The following CALN1 variants were observed in gnomAD, a reference collection of about 807,000 sequenced individuals.
CALN1 encodes calneuron 1.
Under a neutral mutation model 30.6 loss-of-function variants are expected in CALN1, and 17 were observed. The observed-to-expected ratio is 0.56, with a 90% confidence interval of 0.38 to 0.83. The LOEUF (loss-of-function observed/expected upper bound fraction) is 0.83. Among genes scored for constraint, CALN1 ranks in the 40% least tolerant of loss-of-function variants. The pLI is 0.00. For synonymous variants in CALN1, 156 were observed against 131.4 expected, an observed-to-expected ratio of 1.19 and a Z score of -1.28; for missense variants, 291 against 354.9, an observed-to-expected ratio of 0.82 and a Z score of 1.45.
At chr7:72,319,472 C>T (rs1187554520) in intron 2 of CALN1, among the ~76,000 whole-genome samples, 1 of 152,172 alleles carries the variant, frequency 6.6e-6, no homozygotes, top group Non-Finnish European at 1.5e-5. Context: ...GATTCAACTA[C>T]CTCCCACTGG....
intron 3 of CALN1, among the ~76,000 whole-genome samples, chr7:72,192,920 G>C (rs1790725183): frequency 6.6e-6 from 1 of 151,136 alleles, no homozygotes; most frequent in Admixed American, 6.6e-5. Flanking sequence ...AGGAACAGTG[G>C]CTCACGCCTG....
In CALN1 at chr7:72,054,581, T is replaced by C. The variant is rs528428850; in HGVS notation, c.389-30812A>G. Among the ~76,000 whole-genome samples, 14 of 148,140 alleles carry C rather than the reference T, an allele frequency of 9.5e-5. No homozygotes were observed. In the South Asian group the frequency reaches 2.9e-3, roughly 31 times the overall value. On this transcript the variant is annotated intron_variant, in intron 4 of 6. Coordinates refer to ENST00000395275, the MANE Select transcript of CALN1 (RefSeq NM_031468.4). ...TATATAATGGAATACTATGCAGCCA[T>C]GAAAAAGAATGAGATCATGTCTTTT...
chr7:72,356,915 A>G lies in CALN1; in HGVS notation c.119+46336T>C, dbSNP rs553270605. Among the ~76,000 whole-genome samples the G allele has an allele frequency of 1.1e-4, 16 of 152,102 alleles. 1 individual carries two copies. The highest frequency in any genetic ancestry group is 3.6e-4 in the African/African-American group (15 of 41,370). On this transcript the variant is annotated intron_variant, in intron 2 of 6. Transcript: ENST00000395275. ...GCAATATATTAGTGCTTGTCAACGT[A>G]TGTCTTGCTCTAAAACCAACACTTC...
chr7:72,226,094 A>C (rs1320401624), intron 3 of CALN1, among the ~76,000 whole-genome samples: 2 of 15,182 alleles, frequency 1.3e-4, no homozygotes, highest in African/African-American at 7.6e-4. Context: ...GACTCCACCC[A>C]AAAAAAAAAA....
At chr7:72,289,239 T>C (rs984737258) in intron 2 of CALN1, among the ~76,000 whole-genome samples, 4 of 152,220 alleles carry the variant, frequency 2.6e-5, no homozygotes, top group African/African-American at 7.2e-5. Flanking sequence ...CTTTATTCTC[T>C]TTTTGGTAAG....
chr7:72,365,139 T>C (rs924739404), intron 2 of CALN1, among the ~76,000 whole-genome samples: 3 of 152,142 alleles, frequency 2.0e-5, no homozygotes, highest in African/African-American at 7.2e-5. Flanking sequence ...ACCCAGTCTC[T>C]ACTAAAAATA....
At chr7:72,089,382 A>T (rs1416647028) in intron 4 of CALN1, among the ~76,000 whole-genome samples, 1 of 152,178 alleles carries the variant, frequency 6.6e-6, no homozygotes. Context: ...TAATAACTTC[A>T]TACTAGGTAC....
chr7:72,142,390 G>C (rs1810011252), intron 3 of CALN1, among the ~76,000 whole-genome samples: 1 of 152,190 alleles, frequency 6.6e-6, no homozygotes, highest in African/African-American at 2.4e-5. Flanking sequence ...ACAGCAGTCT[G>C]AGATCGAACT....
At chr7:72,312,763 C>T (rs958317262) in intron 2 of CALN1, among the ~76,000 whole-genome samples, 5 of 151,658 alleles carry the variant, frequency 3.3e-5, no homozygotes, top group African/African-American at 1.2e-4. Flanking sequence ...AAAGATCATG[C>T]TTATTTTCCT....
At chr7:72,309,506 G>A (rs1799889677) in intron 2 of CALN1, among the ~76,000 whole-genome samples, 6 of 152,092 alleles carry the variant, frequency 3.9e-5, no homozygotes, top group Admixed American at 3.9e-4. Flanking sequence ...AAAGAATAGG[G>A]GAGGGGGGCT....
At chr7:71,815,856 TTCCTTCCTCCCTTCCTTCCC>T (rs1177073240) in intron 5 of CALN1, among the ~76,000 whole-genome samples, 1 of 132,136 alleles carries the variant, frequency 7.6e-6, no homozygotes, top group African/African-American at 2.8e-5. Flanking sequence ...CCTTCCTTCT[TTCCTTCCTCCCTTCCTTCCC>T]TCCTTCCTCT....
chr7:72,321,304 A>G (rs889681404), intron 2 of CALN1, among the ~76,000 whole-genome samples: 4 of 152,214 alleles, frequency 2.6e-5, no homozygotes, highest in African/African-American at 9.6e-5. Context: ...TTGGGTTGAG[A>G]AAGCAAGAAA....
chr7:71,929,002 T>C (rs1157322371), intron 5 of CALN1, among the ~76,000 whole-genome samples: 4 of 152,166 alleles, frequency 2.6e-5, no homozygotes, highest in African/African-American at 9.7e-5. Flanking sequence ...ATTCACCGAT[T>C]TTTGATGTGT....
the CALN1 span, among the ~76,000 whole-genome samples, chr7:72,472,499 T>G: frequency 1.3e-5 from 2 of 152,028 alleles, no homozygotes; most frequent in African/African-American, 2.4e-5. Flanking sequence ...AAGGTGTGTC[T>G]CGAGGCCTGG....
chr7:72,276,564 G>T (rs570652827), intron 3 of CALN1, among the ~76,000 whole-genome samples: 1 of 151,314 alleles, frequency 6.6e-6, no homozygotes, highest in South Asian at 2.1e-4. Flanking sequence ...CTAAGAGGTG[G>T]GATGGTTAAG....
intron 4 of CALN1, among the ~76,000 whole-genome samples, chr7:72,034,797 A>C (rs1279538731): frequency 3.1e-5 from 4 of 129,110 alleles, no homozygotes; most frequent in African/African-American, 1.7e-4. Context: ...CTCTGTCTCA[A>C]AAAAAAAAAA....
intron 3 of CALN1, among the ~76,000 whole-genome samples, chr7:72,205,574 A>ATATATATATATATATATATATG (rs1791806741): frequency 8.1e-6 from 1 of 123,752 alleles, no homozygotes; most frequent in Admixed American, 8.3e-5. Context: ...ATATGTATAT[A>ATATATATATATATATATATATG]TATATATATA....
intron 4 of CALN1, among the ~76,000 whole-genome samples, chr7:72,068,234 C>T (rs142259540): frequency 4.9e-4 from 74 of 152,260 alleles, no homozygotes; most frequent in South Asian, 3.9e-3. Flanking sequence ...TTCATTTATT[C>T]GCAAATTATA....
intron 2 of CALN1, among the ~76,000 whole-genome samples, chr7:72,285,296 G>C (rs996684221): frequency 6.6e-6 from 1 of 152,172 alleles, no homozygotes; most frequent in Non-Finnish European, 1.5e-5. Context: ...CCAGGCTGGA[G>C]TGCAGTGGCA....
Sources: allele counts gnomAD v4.1 joint callset (sites outside exome capture counted in the v4.1 genomes callset), GRCh38; gene constraint gnomAD v4.1.1; transcripts MANE v1.5; gene names NCBI Gene and HGNC (gene_info 2026-07-23, HGNC 2026-07-21).